ABI2: variants seen among roughly 807,000 people sequenced by gnomAD.
ABI2 encodes the protein abl interactor 2, also known as abelson interactor 2.
Under a neutral mutation model 59.2 loss-of-function variants are expected in ABI2, and 25 were observed. The observed-to-expected ratio is 0.42, with a 90% CI of 0.31 to 0.59. The LOEUF is 0.59. Ranked by LOEUF, ABI2 falls within the 20% of genes least tolerant of loss-of-function variation. The pLI, the probability that ABI2 is intolerant of heterozygous loss-of-function variation, is 0.14. For synonymous variants in ABI2, 213 were observed against 235.5 expected, an observed-to-expected ratio of 0.90 and a Z score of 0.87; for missense variants, 545 against 681.8, an observed-to-expected ratio of 0.80 and a Z score of 2.23.
chr2:203,379,811 T>A (rs1386297364), intron 2 of ABI2, among the ~76,000 whole-genome samples: 2 of 152,232 alleles, frequency 1.3e-5, no homozygotes, highest in Non-Finnish European at 2.9e-5. Context: ...TCTCTGCCAT[T>A]ACAGTGTAAA....
chr2:203,420,600 A>G (rs1262798509), intron 11 of ABI2, among the ~76,000 whole-genome samples: 2 of 152,074 alleles, frequency 1.3e-5, no homozygotes, highest in East Asian at 1.9e-4. Context: ...TCACCATGTT[A>G]GCCAGGATGG....
At chr2:203,424,159 A>G (rs920180961) in intron 11 of ABI2, among the ~76,000 whole-genome samples, 8 of 152,244 alleles carry the variant, frequency 5.3e-5, no homozygotes, top group African/African-American at 1.7e-4. Flanking sequence ...AATAAAATCT[A>G]GACAGATTTT....
At chr2:203,421,655 C>G (rs1020111942) in intron 11 of ABI2, among the ~76,000 whole-genome samples, 7 of 152,078 alleles carry the variant, frequency 4.6e-5, no homozygotes, top group Non-Finnish European at 1.0e-4. Flanking sequence ...TTTTAGGAAG[C>G]AGTACTTAAG....
chr2:203,361,202 A>AG (rs1317947376), intron 1 of ABI2, among the ~76,000 whole-genome samples: 1 of 152,194 alleles, frequency 6.6e-6, no homozygotes, highest in African/African-American at 2.4e-5. Flanking sequence ...TTAGCCTGTC[A>AG]GTGGCCAACA....
At chr2:203,337,696 A>G (rs2077096727) in intron 1 of ABI2, among the ~76,000 whole-genome samples, 1 of 152,218 alleles carries the variant, frequency 6.6e-6, no homozygotes, top group Non-Finnish European at 1.5e-5. Context: ...TTGAATAAGA[A>G]CAAAGTTGGA....
intron 5 of ABI2, among the ~76,000 whole-genome samples, chr2:203,394,018 T>A (rs17194601): frequency 0.11 from 17,212 of 152,180 alleles, 1,309 homozygotes; most frequent in Middle Eastern, 0.3. Flanking sequence ...TCAAAGTAAA[T>A]AATATAGAAA....
chr2:203,404,202 C>T (rs543594191), intron 9 of ABI2, among the ~76,000 whole-genome samples: 2 of 152,252 alleles, frequency 1.3e-5, no homozygotes, highest in African/African-American at 2.4e-5. Context: ...GTCTTTTATA[C>T]AGTTACATCC....
At chr2:203,354,183 A>G (rs551513293) in intron 1 of ABI2, among the ~76,000 whole-genome samples, 5 of 152,118 alleles carry the variant, frequency 3.3e-5, no homozygotes, top group Non-Finnish European at 7.4e-5. Context: ...AGCTGGGACT[A>G]CAGGCACGCT....
At chr2:203,419,106 CTTTT>C (rs748788810) in intron 11 of ABI2, among the ~76,000 whole-genome samples, 2 of 126,292 alleles carry the variant, frequency 1.6e-5, no homozygotes, top group African/African-American at 3.1e-5. Flanking sequence ...AATTAAAGAT[CTTTT>C]TTTTTTTTTT....
At position 203,394,799 on chromosome 2, in the gene ABI2, G is replaced by C; in HGVS notation, c.678G>C (p.Gln226His). 1 of 1,614,152 alleles carries C rather than the reference G, an allele frequency of 6.2e-7. No homozygotes were observed. Among genetic ancestry groups the C allele is most frequent in the Non-Finnish European group, 8.5e-7 (1 of 1,180,020 alleles). Residue 226 changes from glutamine to histidine, a missense_variant, in exon 6 of 12, where the codon CAG (glutamine) becomes CAC (histidine). Physicochemically the swap from Gln to His is conservative, Grantham distance 24. Transcript: ENST00000261018. The stretch of plus-strand genomic sequence containing the variant: ...CCCGTAATATGGCTCCCTCGCAGCA[G>C]AGCCCTGTGAGGACAGCTTCTGTGA... Reference protein sequence around the residue: ...SPTRNMAPSQQSPVRTASVNQ... With the variant: ...SPTRNMAPSQHSPVRTASVNQ...
At position 203,367,088 on chromosome 2, in the gene ABI2, A is replaced by G. The variant is rs201137565; in HGVS notation, c.285+44A>G. The G allele has an allele frequency of 8.3e-4, 1,303 of 1,567,378 alleles. 10 individuals carry two copies. In the African/African-American group the frequency reaches 0.016, roughly 19 times the overall value. ...CCTATTTGCCTATGAGGAACCCTTAATAATAAACACAGGCTATCTGTAATG... is the reference window on the plus strand; with the variant it reads ...CCTATTTGCCTATGAGGAACCCTTAGTAATAAACACAGGCTATCTGTAATG... On this transcript the variant is annotated intron_variant, in intron 2 of 11. Transcript: ENST00000261018.
chr2:203,428,669 G>A lies in ABI2; in HGVS notation c.*1317G>A, dbSNP rs1404063214. On this transcript the variant is annotated 3_prime_UTR_variant, in exon 12 of 12. Transcript: ENST00000261018. The stretch of plus-strand genomic sequence containing the variant: ...GCTTCAAATTCAGTGGAGTCTGTAG[G>A]GCAGATAACTTTAATCATCACTACT... 6.6e-6 allele frequency: 1 copy of A among 152,118 alleles called. No homozygotes were observed. Among genetic ancestry groups the A allele is most frequent in the Non-Finnish European group, 1.5e-5 (1 of 68,014 alleles). 9.4% of individuals were successfully genotyped at this position (152,118 alleles called of 1,614,324 possible).
intron 9 of ABI2, among the ~76,000 whole-genome samples, chr2:203,405,564 A>T (rs1263809510): frequency 6.6e-6 from 1 of 152,122 alleles, no homozygotes. Context: ...AAAAAAAATT[A>T]TGTAAGTCTC....
chr2:203,381,635 G>A (rs1291364665), intron 3 of ABI2, among the ~76,000 whole-genome samples: 1 of 152,188 alleles, frequency 6.6e-6, no homozygotes, highest in Non-Finnish European at 1.5e-5. Flanking sequence ...AAAATAAGAT[G>A]TGTAATTGGA....
intron 10 of ABI2, among the ~76,000 whole-genome samples, chr2:203,412,019 GC>G (rs1434215226): frequency 6.6e-6 from 1 of 152,122 alleles, no homozygotes; most frequent in Non-Finnish European, 1.5e-5. Flanking sequence ...CTTCTTATGG[GC>G]AGTCTTTGCG....
intron 9 of ABI2, among the ~76,000 whole-genome samples, chr2:203,405,541 C>A (rs1263333641): frequency 4.6e-5 from 7 of 151,812 alleles, no homozygotes; most frequent in Non-Finnish European, 1.0e-4. Flanking sequence ...CAGAGTGAGA[C>A]CCTGTCTCAA....
At chr2:203,360,158 C>G (rs1010632568) in intron 1 of ABI2, among the ~76,000 whole-genome samples, 28 of 116,054 alleles carry the variant, frequency 2.4e-4, no homozygotes, top group African/African-American at 9.5e-4. Flanking sequence ...GCACTCTAGT[C>G]TGGGTGACAG....
Position 203,395,662 on chromosome 2 carries a change from T to C in ABI2, c.732T>C (p.Ser244=). ...VNQRNRTYSS[S]GSSGGSHPSS... ...GTGGCTCTTATTTCTTTAGCAGCAG[T>C]GGGAGTAGTGGAGGGAGCCACCCAA... The change falls in exon 7 of 12, where the codon AGT becomes AGC. Residue 244 remains serine, a synonymous_variant. Coordinates refer to ENST00000261018, the MANE Select transcript of ABI2 (RefSeq NM_001375670.1). 6.2e-7 allele frequency: 1 copy of C among 1,609,738 alleles called. No individual in the cohort carries two copies. Among genetic ancestry groups the C allele is most frequent in the Admixed American group, 1.7e-5 (1 of 59,418 alleles).
chr2:203,351,995 A>G (rs1413832129), intron 1 of ABI2, among the ~76,000 whole-genome samples: 1 of 152,178 alleles, frequency 6.6e-6, no homozygotes, highest in African/African-American at 2.4e-5. Context: ...AGCACAATGC[A>G]TTACTCTTGT....
Sources: allele counts gnomAD v4.1 joint callset (sites outside exome capture counted in the v4.1 genomes callset), GRCh38; gene constraint gnomAD v4.1.1; transcripts MANE v1.5; gene names NCBI Gene and HGNC (gene_info 2026-07-23, HGNC 2026-07-21).